Variants in FAM161A observed in about 807,000 individuals in gnomAD.
The protein encoded by FAM161A is protein FAM161A.
FAM161A carries 57 observed loss-of-function variants against 70.9 expected under a neutral mutation model. The ratio of observed to expected loss-of-function variants is 0.80; its 90% CI spans 0.65 to 1.00. The LOEUF is 1.00. FAM161A is among the 50% of genes least tolerant of loss of function. FAM161A has a pLI of 0.00. For missense variants in FAM161A, 880 were observed against 836.0 expected (o/e 1.05, Z -0.65); for synonymous variants, 299 against 295.7 (o/e 1.01, Z -0.12).
In FAM161A at chr2:61,825,371, T is replaced by C. The variant is rs924735152; in HGVS notation, c.*1084A>G. The C allele has an allele frequency of 2.2e-6, 1 of 454,200 alleles. No homozygotes were observed. Among genetic ancestry groups the C allele is most frequent in the Non-Finnish European group, 4.4e-6 (1 of 226,784 alleles). The allele number at this position is 454,200 out of a possible 1,614,324, so 28.1% of individuals were successfully genotyped here. The stretch of plus-strand genomic sequence containing the variant: ...ACTTTGGAGACTTGCCCTAGCCAAG[T>C]TATTATGCACAATTTCATCATATAA... On this transcript the variant is annotated 3_prime_UTR_variant, in exon 7 of 7. Transcript: ENST00000404929.
rs1012964976 is a variant in FAM161A, at chr2:61,825,937, T to A, written c.*518A>T. 9 of 453,952 alleles carry A rather than the reference T, an allele frequency of 2.0e-5. No individual in the cohort carries two copies. Among genetic ancestry groups the A allele is most frequent in the African/African-American group, 1.6e-4 (8 of 49,928 alleles). The allele number at this position is 453,952 out of a possible 1,614,324, so 28.1% of individuals were successfully genotyped here. ...CAGGCATGAGCCACCATACCCGGCGTTTTTTCTATACTTTTAAAAATGGCT... is the reference window on the plus strand; with the variant it reads ...CAGGCATGAGCCACCATACCCGGCGATTTTTCTATACTTTTAAAAATGGCT... On this transcript the variant is annotated 3_prime_UTR_variant, in exon 7 of 7. Coordinates refer to ENST00000404929, the MANE Select transcript of FAM161A (RefSeq NM_001201543.2).
intron 4 of FAM161A, among the ~76,000 whole-genome samples, chr2:61,837,770 T>C (rs1403810011): frequency 1.3e-5 from 2 of 152,108 alleles, no homozygotes; most frequent in African/African-American, 4.8e-5. Flanking sequence ...CTATTAATAG[T>C]TTACTTCCTA....
chr2:61,851,910 G>T (rs1169021360), intron 1 of FAM161A, among the ~76,000 whole-genome samples: 1 of 152,146 alleles, frequency 6.6e-6, no homozygotes, highest in Admixed American at 6.5e-5. Flanking sequence ...CAATCTTGTG[G>T]GTTAGGTATA....
the FAM161A span, among the ~76,000 whole-genome samples, chr2:61,817,554 C>A: frequency 5.9e-5 from 9 of 152,134 alleles, no homozygotes; most frequent in Admixed American, 1.3e-4. Context: ...GAGCACAGAG[C>A]CTGGTGGAGT....
intron 5 of FAM161A, among the ~76,000 whole-genome samples, chr2:61,831,555 C>T (rs1672575848): frequency 6.6e-6 from 1 of 152,100 alleles, no homozygotes; most frequent in African/African-American, 2.4e-5. Flanking sequence ...ATTCAAAAAG[C>T]ATTTGTTGAG....
chr2:61,819,889 A>G (rs972541314), downstream of FAM161A, among the ~76,000 whole-genome samples: 1 of 152,138 alleles, frequency 6.6e-6, no homozygotes, highest in African/African-American at 2.4e-5. Flanking sequence ...TTTGCTTGAG[A>G]AAGGCTCATT....
chr2:61,849,321 G>A (rs751452268), intron 1 of FAM161A, among the ~76,000 whole-genome samples: 6 of 149,522 alleles, frequency 4.0e-5, no homozygotes, highest in Non-Finnish European at 7.4e-5. Context: ...GGGCCTAAGC[G>A]TCATATGTAA....
the FAM161A span, among the ~76,000 whole-genome samples, chr2:61,814,863 T>C: frequency 6.6e-6 from 1 of 152,170 alleles, no homozygotes; most frequent in Non-Finnish European, 1.5e-5. Flanking sequence ...TTGCTTTTAG[T>C]TTTTCAGCCA....
chr2:61,850,875 T>C (rs984617045), intron 1 of FAM161A, among the ~76,000 whole-genome samples: 1 of 152,154 alleles, frequency 6.6e-6, no homozygotes, highest in Non-Finnish European at 1.5e-5. Flanking sequence ...TATGTGTCTG[T>C]TCATTTTTTG....
In FAM161A at chr2:61,840,054, G is replaced by A; in HGVS notation, c.950C>T (p.Ala317Val). 1.9e-6 allele frequency: 3 copies of A among 1,614,162 alleles called. No individual in the cohort carries two copies. The highest frequency in any genetic ancestry group is 2.5e-6 in the Non-Finnish European group (3 of 1,180,030). The change falls in exon 3 of 7, where the codon GCT becomes GTT. Residue 317 changes from alanine to valine, a missense_variant. Coordinates refer to ENST00000404929, the MANE Select transcript of FAM161A (RefSeq NM_001201543.2). ...RRSLKEKSKEALLASQKPFKF... is the reference protein window; with the variant it reads ...RRSLKEKSKEVLLASQKPFKF... ...AAATGGCTTTTGTGAGGCCAAAAGA[G>A]CTTCTTTGCTTTTCTCCTTCAGAGA...
At chr2:61,853,355 T>G (rs1673564139) in intron 1 of FAM161A, among the ~76,000 whole-genome samples, 1 of 152,196 alleles carries the variant, frequency 6.6e-6, no homozygotes, top group Non-Finnish European at 1.5e-5. Context: ...TAGGAAACAC[T>G]GAAACCTCAG....
chr2:61,843,551 G>T (rs895162927), intron 1 of FAM161A, among the ~76,000 whole-genome samples: 4 of 152,116 alleles, frequency 2.6e-5, no homozygotes, highest in Non-Finnish European at 5.9e-5. Context: ...TGCATAAAAG[G>T]CTGCCAACCA....
intron 1 of FAM161A, among the ~76,000 whole-genome samples, chr2:61,851,769 G>A (rs1368383261): frequency 6.8e-6 from 1 of 148,080 alleles, no homozygotes; most frequent in Non-Finnish European, 1.5e-5. Flanking sequence ...GTGTATGCCA[G>A]AGCTGGGAGG....
downstream of FAM161A, among the ~76,000 whole-genome samples, chr2:61,823,624 C>T (rs564921922): frequency 4.6e-5 from 7 of 151,982 alleles, no homozygotes; most frequent in East Asian, 1.2e-3. Context: ...CCTCTGCCTC[C>T]GAAAGTGCTG....
chr2:61,851,838 G>A (rs1000896938), intron 1 of FAM161A, among the ~76,000 whole-genome samples: 1 of 152,018 alleles, frequency 6.6e-6, no homozygotes, highest in Non-Finnish European at 1.5e-5. Context: ...TGGGATGAGT[G>A]GTCTGGCTTT....
chr2:61,853,909 T>G lies in FAM161A; in HGVS notation c.133A>C (p.Ile45Leu). The change falls in exon 1 of 7, where the codon ATC (isoleucine) becomes CTC (leucine). Residue 45 changes from isoleucine to leucine, a missense_variant. Physicochemically the swap from Ile to Leu is conservative, Grantham distance 5 (BLOSUM62 2). Coordinates refer to ENST00000404929, the MANE Select transcript of FAM161A (RefSeq NM_001201543.2). Reference protein sequence around the residue: ...PLKALAAAEAILEDEEEEKVA... With the variant: ...PLKALAAAEALLEDEEEEKVA... ...TTCTCCTCCTCTTCGTCCTCCAAGA[T>G]CGCCTCCGCTGCCGCCAGGGCCTTT... 6.2e-7 allele frequency: 1 copy of G among 1,613,968 alleles called. No homozygotes were observed. Among genetic ancestry groups the G allele is most frequent in the Non-Finnish European group, 8.5e-7 (1 of 1,179,850 alleles).
the FAM161A span, among the ~76,000 whole-genome samples, chr2:61,810,142 T>C: frequency 4.0e-3 from 604 of 152,248 alleles, 2 homozygotes; most frequent in African/African-American, 0.013. Flanking sequence ...TAAACCACTA[T>C]GTTTTGGGGG....
At chr2:61,805,053 G>A in the FAM161A span, among the ~76,000 whole-genome samples, 3 of 152,096 alleles carry the variant, frequency 2.0e-5, no homozygotes, top group East Asian at 5.8e-4. Context: ...ACGCCCATGA[G>A]CCAGAGATAA....
At position 61,848,814 on chromosome 2, in the gene FAM161A, TTA is replaced by T. The variant is rs1206463467; in HGVS notation, c.183+5043_183+5044del. On this transcript the variant is annotated intron_variant, in intron 1 of 6. Coordinates refer to ENST00000404929, the MANE Select transcript of FAM161A (RefSeq NM_001201543.2). ...TCCCTCTCTCTGTCTATATATATAT[TTA>T]TATATATATATCTATATATATTTAT... Among the ~76,000 whole-genome samples, 2 of 16,842 alleles carry T rather than the reference TTA, an allele frequency of 1.2e-4. 1 individual carries two copies. The highest frequency in any genetic ancestry group is 2.4e-4 in the Non-Finnish European group (2 of 8,426). 11.0% of individuals were successfully genotyped at this position (16,842 alleles called of 152,430 possible). A position where few individuals can be genotyped will look rare whatever the true frequency, so the allele number is the denominator to read the frequency against.
Sources: allele counts gnomAD v4.1 joint callset (sites outside exome capture counted in the v4.1 genomes callset), GRCh38; gene constraint gnomAD v4.1.1; transcripts MANE v1.5; gene names NCBI Gene and HGNC (gene_info 2026-07-23, HGNC 2026-07-21).